Variants in TBXAS1 observed in about 807,000 individuals in gnomAD.
TBXAS1 encodes thromboxane A synthase 1, also known as thromboxane-A synthase.
In TBXAS1, 48 loss-of-function variants were observed where a neutral mutation model predicts 60.7. That is an observed-to-expected ratio of 0.79 (90% CI 0.63 to 1.01). The LOEUF (loss-of-function observed/expected upper bound fraction) is 1.01. Ranked by LOEUF, TBXAS1 falls within the 50% of genes least tolerant of loss-of-function variation. TBXAS1 has a pLI of 0.00. For synonymous variants in TBXAS1, 287 were observed against 269.7 expected, an observed-to-expected ratio of 1.06 and a Z score of -0.63; for missense variants, 685 against 686.3, an observed-to-expected ratio of 1.00 and a Z score of 0.02.
chr7:139,811,359 G>A (rs959442201), intron 4 of TBXAS1, among the ~76,000 whole-genome samples: 33 of 152,224 alleles, frequency 2.2e-4, no homozygotes, highest in Non-Finnish European at 1.2e-4. Context: ...CTCACTGGAT[G>A]CTTCAAAAGG....
At chr7:139,890,511 G>C (rs1258545143) in intron 3 of TBXAS1, among the ~76,000 whole-genome samples, 1 of 152,018 alleles carries the variant, frequency 6.6e-6, no homozygotes, top group African/African-American at 2.4e-5. Flanking sequence ...CACCGCGCCC[G>C]GCCAGGATGC....
At chr7:139,897,152 C>A (rs1022255726) in intron 3 of TBXAS1, among the ~76,000 whole-genome samples, 1 of 152,086 alleles carries the variant, frequency 6.6e-6, no homozygotes, top group African/African-American at 2.4e-5. Flanking sequence ...CCACCACTCA[C>A]AAACGAGCAG....
chr7:139,887,710 A>C (rs2267685), intron 3 of TBXAS1, among the ~76,000 whole-genome samples: 71,310 of 152,036 alleles, frequency 0.47, 17,192 homozygotes, highest in African/African-American at 0.58. Flanking sequence ...CATTGAGCTA[A>C]TGTGAATAAT....
intron 1 of TBXAS1, among the ~76,000 whole-genome samples, chr7:139,863,018 G>A (rs2116732135): frequency 6.6e-6 from 1 of 152,190 alleles, no homozygotes. Flanking sequence ...GCAGCACCTT[G>A]GGTACATTAT....
rs150336540 is a variant in TBXAS1, at chr7:139,927,582, C to G, written c.334-8609C>G. 3.6e-3 allele frequency among the ~76,000 whole-genome samples: 545 copies of G among 152,140 alleles called. 3 individuals carry two copies. Among genetic ancestry groups the G allele is most frequent in the African/African-American group, 0.012 (514 of 41,512 alleles). On this transcript the variant is annotated intron_variant, in intron 4 of 12. Coordinates refer to ENST00000448866, the MANE Select transcript of TBXAS1 (RefSeq NM_001061.7). ...TAGTTTACATAACACAACTACAGTACTATAATAATCTTGCTAAGTTTTGAA... is the reference window on the plus strand; with the variant it reads ...TAGTTTACATAACACAACTACAGTAGTATAATAATCTTGCTAAGTTTTGAA...
intron 9 of TBXAS1, among the ~76,000 whole-genome samples, chr7:139,986,882 G>A (rs915261494): frequency 4.0e-5 from 6 of 150,848 alleles, no homozygotes; most frequent in African/African-American, 1.5e-4. Context: ...TTGCAATTGC[G>A]AATTTGTGTG....
intron 3 of TBXAS1, among the ~76,000 whole-genome samples, chr7:139,882,973 C>T (rs1389447733): frequency 2.0e-5 from 3 of 152,178 alleles, no homozygotes; most frequent in African/African-American, 7.2e-5. Flanking sequence ...GATTGGAATT[C>T]ACTAAACTGC....
chr7:139,982,925 C>T (rs548936049), intron 9 of TBXAS1, among the ~76,000 whole-genome samples: 2 of 152,280 alleles, frequency 1.3e-5, no homozygotes, highest in Admixed American at 6.5e-5. Flanking sequence ...ACTCCCAACC[C>T]TGCGTTTTCT....
At chr7:139,942,907 C>T (rs17161280) in intron 5 of TBXAS1, among the ~76,000 whole-genome samples, 3,410 of 152,224 alleles carry the variant, frequency 0.022, 113 homozygotes, top group African/African-American at 0.077. Context: ...GACTTGGAGA[C>T]GACATGTTAC....
At chr7:139,828,832 G>T (rs867096904), upstream of TBXAS1, among the ~76,000 whole-genome samples, 1 of 152,168 alleles carries the variant, frequency 6.6e-6, no homozygotes, top group African/African-American at 2.4e-5. Flanking sequence ...GGACTTGGTG[G>T]GATGGTTGTC....
intron 3 of TBXAS1, among the ~76,000 whole-genome samples, chr7:139,904,428 G>C (rs1804814501): frequency 6.6e-6 from 1 of 152,088 alleles, no homozygotes; most frequent in Non-Finnish European, 1.5e-5. Context: ...TGGCTATGCA[G>C]GCTCTTTTTT....
chr7:139,986,566 C>T (rs896524808), intron 9 of TBXAS1, among the ~76,000 whole-genome samples: 3 of 151,172 alleles, frequency 2.0e-5, no homozygotes, highest in Admixed American at 1.3e-4. Context: ...ATTCTTATGC[C>T]TTTGCATCCT....
At chr7:140,014,676 G>A (rs929517603) in intron 10 of TBXAS1, among the ~76,000 whole-genome samples, 26 of 151,858 alleles carry the variant, frequency 1.7e-4, no homozygotes, top group African/African-American at 6.1e-4. Context: ...TTGGGAGGCC[G>A]AGGCAGGGGA....
chr7:139,839,922 T>C (rs1180184109), intron 1 of TBXAS1, among the ~76,000 whole-genome samples: 1 of 136,954 alleles, frequency 7.3e-6, no homozygotes, highest in Non-Finnish European at 1.5e-5. Flanking sequence ...AGGCAGAGGT[T>C]GCAATGAGCC....
intron 12 of TBXAS1, among the ~76,000 whole-genome samples, chr7:140,019,552 G>C (rs552409044): frequency 6.6e-6 from 1 of 152,094 alleles, no homozygotes. Flanking sequence ...CAGGAGACAC[G>C]TACAGCCCCA....
At chr7:139,792,297 A>G (rs964400245) in intron 4 of TBXAS1, among the ~76,000 whole-genome samples, 1 of 152,238 alleles carries the variant, frequency 6.6e-6, no homozygotes, top group Non-Finnish European at 1.5e-5. Context: ...AAATAGAGTT[A>G]CCAAAACCAC....
chr7:139,890,360 C>G (rs887236470), intron 3 of TBXAS1, among the ~76,000 whole-genome samples: 11 of 151,558 alleles, frequency 7.3e-5, no homozygotes, highest in Admixed American at 2.6e-4. Flanking sequence ...GGACTACAGG[C>G]GCCCGCCACT....
chr7:139,835,241 A>AT (rs541273468), intron 1 of TBXAS1, among the ~76,000 whole-genome samples: 3 of 151,278 alleles, frequency 2.0e-5, no homozygotes, highest in Admixed American at 6.6e-5. Flanking sequence ...AATTTTTTGT[A>AT]TTTTTTTTAG....
chr7:139,876,626 C>T (rs1434651152), intron 3 of TBXAS1, among the ~76,000 whole-genome samples: 1 of 152,072 alleles, frequency 6.6e-6, no homozygotes, highest in Non-Finnish European at 1.5e-5. Flanking sequence ...ATTGGCTTGT[C>T]CTCTTTATGG....
Sources: allele counts gnomAD v4.1 joint callset (sites outside exome capture counted in the v4.1 genomes callset), GRCh38; gene constraint gnomAD v4.1.1; transcripts MANE v1.5; gene names NCBI Gene and HGNC (gene_info 2026-07-23, HGNC 2026-07-21).